Variants in ROBO1 observed in about 807,000 individuals in gnomAD.
The protein encoded by ROBO1 is roundabout homolog 1.
In ROBO1, 149 loss-of-function variants were observed where a neutral mutation model predicts 195.9. The observed-to-expected ratio is 0.76, with a 90% CI of 0.67 to 0.87. The LOEUF (loss-of-function observed/expected upper bound fraction) is 0.87, where lower values mean the gene tolerates loss of function less well. Ranked by LOEUF, ROBO1 falls within the 40% of genes least tolerant of loss-of-function variation. The pLI is 0.00. For synonymous variants in ROBO1, 816 were observed against 733.2 expected (o/e 1.11, Z -1.82); for missense variants, 1,933 against 2,068.3 (o/e 0.93, Z 1.27).
At chr3:79,490,233 C>A (rs953961938) in intron 2 of ROBO1, among the ~76,000 whole-genome samples, 1 of 152,030 alleles carries the variant, frequency 6.6e-6, no homozygotes, top group Non-Finnish European at 1.5e-5. Flanking sequence ...TTATTTTGAC[C>A]TCTTCAAGGC....
chr3:78,971,852 G>A (rs947525859), intron 3 of ROBO1, among the ~76,000 whole-genome samples: 7 of 151,902 alleles, frequency 4.6e-5, no homozygotes, highest in African/African-American at 9.7e-5. Context: ...TACAACCTTC[G>A]CCTCCTGGGC....
intron 2 of ROBO1, among the ~76,000 whole-genome samples, chr3:79,492,521 T>C (rs1033950830): frequency 1.3e-5 from 2 of 151,420 alleles, no homozygotes; most frequent in Non-Finnish European, 2.9e-5. Context: ...TCTCATAAAC[T>C]TAAAGATATA....
intron 2 of ROBO1, among the ~76,000 whole-genome samples, chr3:79,164,911 T>G (rs1374340624): frequency 2.0e-5 from 3 of 152,202 alleles, no homozygotes; most frequent in South Asian, 2.1e-4. Flanking sequence ...TTCTCAAATA[T>G]TACCTTGGCA....
At chr3:78,875,269 C>T (rs2035772138) in intron 4 of ROBO1, among the ~76,000 whole-genome samples, 1 of 151,930 alleles carries the variant, frequency 6.6e-6, no homozygotes, top group African/African-American at 2.4e-5. Context: ...GGAATAATCA[C>T]TAACATAAAT....
chr3:79,676,059 G>T (rs1398347794), intron 1 of ROBO1, among the ~76,000 whole-genome samples: 1 of 151,954 alleles, frequency 6.6e-6, no homozygotes, highest in African/African-American at 2.4e-5. Context: ...TTTTGTTGTT[G>T]TTGATGGTGG....
At chr3:78,776,355 G>A (rs1196522544) in intron 4 of ROBO1, among the ~76,000 whole-genome samples, 1 of 152,150 alleles carries the variant, frequency 6.6e-6, no homozygotes, top group African/African-American at 2.4e-5. Context: ...GGGTTCAAGT[G>A]ATTCTCCTGC....
intron 2 of ROBO1, among the ~76,000 whole-genome samples, chr3:79,439,727 AT>A (rs2038993933): frequency 6.6e-6 from 1 of 152,180 alleles, no homozygotes; most frequent in Non-Finnish European, 1.5e-5. Context: ...TTTAATGTAA[AT>A]CTATTTTCTT....
intron 1 of ROBO1, among the ~76,000 whole-genome samples, chr3:79,620,080 A>T (rs895146243): frequency 6.6e-6 from 1 of 152,194 alleles, no homozygotes; most frequent in Non-Finnish European, 1.5e-5. Flanking sequence ...CTCCCTCAAG[A>T]TCTTGCTTCA....
intron 18 of ROBO1, among the ~76,000 whole-genome samples, 174 bp downstream of exon 18, chr3:78,656,914 TTCTCTCTCTC>T (rs762475643): frequency 1.3e-5 from 2 of 151,266 alleles, no homozygotes; most frequent in African/African-American, 2.4e-5. Context: ...CTCTCTCTCT[TTCTCTCTCTC>T]TCTCTTTCTC....
intron 2 of ROBO1, among the ~76,000 whole-genome samples, chr3:79,206,892 T>C (rs1455921777): frequency 3.9e-5 from 6 of 152,154 alleles, no homozygotes; most frequent in Non-Finnish European, 2.9e-5. Context: ...ATATTTAAAA[T>C]ACTTGATTCA....
At chr3:79,056,662 G>T (rs2078815073) in intron 3 of ROBO1, among the ~76,000 whole-genome samples, 1 of 151,994 alleles carries the variant, frequency 6.6e-6, no homozygotes, top group Admixed American at 6.6e-5. Flanking sequence ...TCCAATCTCT[G>T]CAGTCCCAGA....
intron 2 of ROBO1, among the ~76,000 whole-genome samples, chr3:79,346,688 TA>T (rs2035132142): frequency 6.6e-6 from 1 of 152,042 alleles, no homozygotes; most frequent in African/African-American, 2.4e-5. Flanking sequence ...AATTTTCTAA[TA>T]AAAGTTTCCT....
At chr3:79,013,704 T>C (rs1328387965) in intron 3 of ROBO1, among the ~76,000 whole-genome samples, 2 of 152,234 alleles carry the variant, frequency 1.3e-5, no homozygotes, top group Admixed American at 6.5e-5. Context: ...CTCTATGATA[T>C]AGTTTCTACA....
intron 4 of ROBO1, among the ~76,000 whole-genome samples, chr3:78,820,058 A>G (rs975866899): frequency 1.1e-4 from 16 of 152,276 alleles, no homozygotes; most frequent in Admixed American, 8.5e-4. Flanking sequence ...CAATCGAAAA[A>G]GGGATCCAAT....
chr3:79,700,986 TGA>T (rs1188609619), intron 1 of ROBO1, among the ~76,000 whole-genome samples: 1 of 151,832 alleles, frequency 6.6e-6, no homozygotes, highest in African/African-American at 2.4e-5. Context: ...TAATACATCT[TGA>T]GAGAATTTTT....
intron 4 of ROBO1, among the ~76,000 whole-genome samples, chr3:78,884,511 A>C (rs2036383121): frequency 6.6e-6 from 1 of 151,748 alleles, no homozygotes; most frequent in Non-Finnish European, 1.5e-5. Flanking sequence ...CCAGCTACTC[A>C]GGGACTGAGA....
At chr3:78,602,207 C>T (rs1302773252) in intron 29 of ROBO1, among the ~76,000 whole-genome samples, 2 of 152,008 alleles carry the variant, frequency 1.3e-5, no homozygotes, top group Non-Finnish European at 2.9e-5. Context: ...ATCGCTTGGG[C>T]CATCCCCTTG....
chr3:78,994,266 C>T (rs1243752787), intron 3 of ROBO1, among the ~76,000 whole-genome samples: 1 of 151,870 alleles, frequency 6.6e-6, no homozygotes, highest in Non-Finnish European at 1.5e-5. Flanking sequence ...ATTCAACCAG[C>T]GAAAAGGAAA....
At chr3:79,297,930 A>T (rs539361178) in intron 2 of ROBO1, among the ~76,000 whole-genome samples, 4 of 152,252 alleles carry the variant, frequency 2.6e-5, no homozygotes, top group Non-Finnish European at 5.9e-5. Flanking sequence ...AATGAAGATC[A>T]TTAAAGTGAT....
Sources: allele counts gnomAD v4.1 joint callset (sites outside exome capture counted in the v4.1 genomes callset), GRCh38; gene constraint gnomAD v4.1.1; transcripts MANE v1.5; gene names NCBI Gene and HGNC (gene_info 2026-07-23, HGNC 2026-07-21).